ABHD3: variants seen among roughly 807,000 people sequenced by gnomAD.
The protein encoded by ABHD3 is phospholipase ABHD3.
Under a neutral mutation model 48.8 loss-of-function variants are expected in ABHD3, and 46 were observed. The observed-to-expected ratio is 0.94, with a 90% CI of 0.74 to 1.20. The LOEUF is 1.20. Ranked by LOEUF, ABHD3 falls within the 50% of genes most tolerant of loss-of-function variation. The pLI is 0.00. For synonymous variants in ABHD3, 192 were observed against 183.7 expected (o/e 1.04, Z -0.36); for missense variants, 490 against 497.8 (o/e 0.98, Z 0.15).
rs1249318548 is a variant in ABHD3, at chr18:21,702,553, A to AATTTT, written c.327-60_327-56dup. On this transcript the variant is annotated intron_variant, in intron 2 of 8. Coordinates refer to ENST00000289119, the MANE Select transcript of ABHD3 (RefSeq NM_138340.5). ...ATTTACATGTTTTAAGTCATGTCTTAATTTTAATTCTAAACACATGACATT... is the reference window on the plus strand; with the variant it reads ...ATTTACATGTTTTAAGTCATGTCTTAATTTTATTTTAATTCTAAACACATGACATT... 7 of 1,070,954 alleles carry AATTTT rather than the reference A, an allele frequency of 6.5e-6. No individual in the cohort carries two copies. In the South Asian group the frequency reaches 1.3e-4, roughly 20 times the overall value. 66.3% of individuals were successfully genotyped at this position (1,070,954 alleles called of 1,614,324 possible).
chr18:21,683,896 C>A, intron 4 of ABHD3, 24 bp downstream of exon 4: 1 of 1,570,400 alleles, frequency 6.4e-7, no homozygotes, highest in Non-Finnish European at 8.6e-7. Flanking sequence ...AAAGTTAAGA[C>A]TGTTGTCATT....
chr18:21,677,931 G>A (rs933391919), intron 4 of ABHD3, among the ~76,000 whole-genome samples: 1 of 151,980 alleles, frequency 6.6e-6, no homozygotes, highest in African/African-American at 2.4e-5. Context: ...CCAAAGTGCT[G>A]GGATTACAGG....
At position 21,657,701 on chromosome 18, in the gene ABHD3, T is replaced by G. The variant is rs112575230; in HGVS notation, c.843-549A>C. ...GTCAACTTCCAGGATAACTAAGGTT[T>G]TCAGTAAGTCATGTGCAAATCAACA... On this transcript the variant is annotated intron_variant, in intron 6 of 8. Transcript: ENST00000289119. Among the ~76,000 whole-genome samples the G allele has an allele frequency of 8.0e-3, 1,220 of 152,162 alleles. 20 individuals are homozygous for G. The highest frequency in any genetic ancestry group is 0.028 in the African/African-American group (1,174 of 41,506).
intron 4 of ABHD3, chr18:21,664,499 C>T (rs572056143): frequency 1.6e-5 from 5 of 303,498 alleles, no homozygotes; most frequent in Admixed American, 5.0e-5. Context: ...AATACAAATA[C>T]CTTCAATTAA....
At chr18:21,665,671 G>C (rs1265326150) in intron 4 of ABHD3, among the ~76,000 whole-genome samples, 2 of 152,022 alleles carry the variant, frequency 1.3e-5, no homozygotes, top group East Asian at 3.9e-4. Flanking sequence ...AAATTAGCCA[G>C]GTGTGGTGGT....
chr18:21,683,948 T>C lies in ABHD3; in HGVS notation c.527A>G (p.Asn176Ser). ...ELGYRCVVFN[N>S]RGVAGENLLT... ...GAGATTCTCCCCCGCCACTCCTCTG[T>C]TGTTAAAAACCACACATCTAAAAAC... The change falls in exon 4 of 9, where the codon AAC (asparagine) becomes AGC (serine). Residue 176 changes from asparagine to serine, a missense_variant. Physicochemically the swap from Asn to Ser is conservative, Grantham distance 46. Coordinates refer to ENST00000289119, the MANE Select transcript of ABHD3 (RefSeq NM_138340.5). The C allele has an allele frequency of 1.9e-6, 3 of 1,602,208 alleles. No homozygotes were observed. Among genetic ancestry groups the C allele is most frequent in the South Asian group, 1.1e-5 (1 of 88,778 alleles).
intron 2 of ABHD3, 90 bp from the exon 3 acceptor site, chr18:21,702,588 T>G: frequency 8.5e-7 from 1 of 1,180,162 alleles, no homozygotes; most frequent in Non-Finnish European, 1.1e-6. Flanking sequence ...TATTTGCTCA[T>G]CAAAAAATAA....
chr18:21,673,122 G>T (rs1428264665), intron 4 of ABHD3, among the ~76,000 whole-genome samples: 3 of 152,162 alleles, frequency 2.0e-5, no homozygotes, highest in Non-Finnish European at 4.4e-5. Context: ...CAAATCTCGT[G>T]ACTCACCTGG....
chr18:21,661,102 T>TAAAAAAAAAA (rs35710540), intron 5 of ABHD3, among the ~76,000 whole-genome samples: 13 of 57,224 alleles, frequency 2.3e-4, no homozygotes, highest in Non-Finnish European at 3.2e-4. Context: ...AACTACAAGC[T>TAAAAAAAAAA]AAAAAAAAAA....
intron 4 of ABHD3, among the ~76,000 whole-genome samples, chr18:21,676,158 C>T (rs900922370): frequency 2.0e-5 from 3 of 152,132 alleles, no homozygotes; most frequent in African/African-American, 7.2e-5. Flanking sequence ...GCAGGGAACA[C>T]AAACATTGGG....
intron 3 of ABHD3, among the ~76,000 whole-genome samples, chr18:21,693,678 C>A (rs1185691001): frequency 6.6e-6 from 1 of 152,188 alleles, no homozygotes; most frequent in Non-Finnish European, 1.5e-5. Context: ...AAGAAGCTAA[C>A]CTCTTCATTC....
At chr18:21,662,755 T>C (rs2039531609) in intron 5 of ABHD3, among the ~76,000 whole-genome samples, 1 of 152,212 alleles carries the variant, frequency 6.6e-6, no homozygotes, top group African/African-American at 2.4e-5. Flanking sequence ...AAGACATTAA[T>C]GTTCAACCAG....
Position 21,683,943 on chromosome 18 carries a change from CTCT to C in ABHD3, c.529_531del (p.Arg177del). 6.2e-7 allele frequency: 1 copy of C among 1,600,816 alleles called. No homozygotes were observed. Among genetic ancestry groups the C allele is most frequent in the Non-Finnish European group, 8.5e-7 (1 of 1,172,980 alleles). ...ACCAAGAGATTCTCCCCCGCCACTC[CTCT>C]GTTGTTAAAAACCACACATCTAAAA... On this transcript the variant is annotated inframe_deletion, in exon 4 of 9. Coordinates refer to ENST00000289119, the MANE Select transcript of ABHD3 (RefSeq NM_138340.5).
chr18:21,674,732 G>A (rs1350631232), intron 4 of ABHD3, among the ~76,000 whole-genome samples: 2 of 152,162 alleles, frequency 1.3e-5, no homozygotes, highest in African/African-American at 2.4e-5. Flanking sequence ...GGAAAGGGCC[G>A]ACTTGGGTGC....
At chr18:21,677,420 T>C (rs2039909169) in intron 4 of ABHD3, among the ~76,000 whole-genome samples, 1 of 151,426 alleles carries the variant, frequency 6.6e-6, no homozygotes, top group Non-Finnish European at 1.5e-5. Context: ...TTAGCCAGGA[T>C]GGTCTCGATC....
chr18:21,687,879 T>C (rs776684238), intron 3 of ABHD3, among the ~76,000 whole-genome samples: 2 of 152,212 alleles, frequency 1.3e-5, no homozygotes, highest in Non-Finnish European at 1.5e-5. Flanking sequence ...CTGTGCATTA[T>C]AGGATACTCA....
intron 3 of ABHD3, among the ~76,000 whole-genome samples, chr18:21,700,919 C>G (rs2040496089): frequency 7.1e-6 from 1 of 139,918 alleles, no homozygotes; most frequent in Non-Finnish European, 1.5e-5. Flanking sequence ...TGCCACTGCG[C>G]TCCATGCTGG....
chr18:21,697,783 A>T (rs1361699197), intron 3 of ABHD3, among the ~76,000 whole-genome samples: 1 of 152,248 alleles, frequency 6.6e-6, no homozygotes, highest in Non-Finnish European at 1.5e-5. Flanking sequence ...ATTTTGAATT[A>T]GTGCACCTTA....
chr18:21,669,054 C>T (rs1265438736), intron 4 of ABHD3, among the ~76,000 whole-genome samples: 1 of 151,992 alleles, frequency 6.6e-6, no homozygotes, highest in Non-Finnish European at 1.5e-5. Flanking sequence ...AGACCCCTGT[C>T]TCTAAATTAA....
Sources: allele counts gnomAD v4.1 joint callset (sites outside exome capture counted in the v4.1 genomes callset), GRCh38; gene constraint gnomAD v4.1.1; transcripts MANE v1.5; gene names NCBI Gene and HGNC (gene_info 2026-07-23, HGNC 2026-07-21).